NRG1: variants seen among roughly 807,000 people sequenced by gnomAD.
NRG1 encodes neuregulin 1, also known as pro-neuregulin-1, membrane-bound isoform.
In NRG1, 18 loss-of-function variants were observed where a neutral mutation model predicts 63.8. The ratio of observed to expected loss-of-function variants is 0.28; its 90% CI spans 0.19 to 0.42. NRG1 has a LOEUF of 0.42. Among genes scored for constraint, NRG1 ranks in the 10% least tolerant of loss-of-function variants. NRG1 has a pLI of 1.00. For missense variants in NRG1, 762 were observed against 814.7 expected (o/e 0.94, Z 0.79); for synonymous variants, 302 against 301.3 (o/e 1.00, Z -0.02).
intron 1 of NRG1, among the ~76,000 whole-genome samples, chr8:31,833,134 G>T (rs13249720): frequency 0.13 from 19,675 of 152,148 alleles, 1,480 homozygotes; most frequent in Admixed American, 0.17. Flanking sequence ...AAAGAAAATT[G>T]TTAGAAAAGG....
At chr8:31,908,916 A>G (rs1437822054) in intron 1 of NRG1, among the ~76,000 whole-genome samples, 1 of 152,202 alleles carries the variant, frequency 6.6e-6, no homozygotes, top group Non-Finnish European at 1.5e-5. Context: ...TAACCATGAT[A>G]TGCTAGTATC....
chr8:31,766,285 CCT>C (rs1306783749), intron 1 of NRG1, among the ~76,000 whole-genome samples: 2 of 152,100 alleles, frequency 1.3e-5, no homozygotes, highest in Non-Finnish European at 2.9e-5. Context: ...AAAAAGATCC[CCT>C]GAGTTGTATC....
chr8:32,069,335 A>AT (rs1367527368), intron 1 of NRG1, among the ~76,000 whole-genome samples: 2 of 152,224 alleles, frequency 1.3e-5, no homozygotes, highest in African/African-American at 4.8e-5. Flanking sequence ...CATCAATATC[A>AT]TTGAGCACGG....
At chr8:31,863,387 C>T (rs540572583) in intron 1 of NRG1, among the ~76,000 whole-genome samples, 2 of 152,276 alleles carry the variant, frequency 1.3e-5, no homozygotes, top group South Asian at 4.1e-4. Flanking sequence ...TCATCACAAT[C>T]ATCTAAAACT....
At chr8:32,170,522 A>G (rs1317492247) in intron 1 of NRG1, among the ~76,000 whole-genome samples, 4 of 152,186 alleles carry the variant, frequency 2.6e-5, no homozygotes, top group Non-Finnish European at 4.4e-5. Context: ...TATGGACCCA[A>G]CTGGAATTAG....
At chr8:31,833,451 C>T (rs1224534364) in intron 1 of NRG1, among the ~76,000 whole-genome samples, 4 of 152,206 alleles carry the variant, frequency 2.6e-5, no homozygotes, top group Non-Finnish European at 5.9e-5. Context: ...CTGAAAAGAA[C>T]ATCCCTGCAA....
intron 1 of NRG1, among the ~76,000 whole-genome samples, chr8:32,009,259 C>T (rs1384570869): frequency 1.3e-5 from 2 of 152,074 alleles, no homozygotes; most frequent in Non-Finnish European, 2.9e-5. Flanking sequence ...CCTACTCCAA[C>T]AGTTTCATCT....
intron 1 of NRG1, among the ~76,000 whole-genome samples, chr8:32,235,238 A>C (rs1479158071): frequency 7.8e-5 from 4 of 51,112 alleles, no homozygotes; most frequent in Non-Finnish European, 1.7e-4. Context: ...TACAAAAAAA[A>C]AAAAAAAAAA....
At chr8:32,266,144 G>T (rs932118789) in intron 1 of NRG1, among the ~76,000 whole-genome samples, 2 of 152,174 alleles carry the variant, frequency 1.3e-5, no homozygotes, top group Non-Finnish European at 2.9e-5. Flanking sequence ...CTTTTGGGTG[G>T]AATCTGAACA....
intron 5 of NRG1, among the ~76,000 whole-genome samples, chr8:32,696,948 C>T (rs771980733): frequency 3.9e-5 from 6 of 152,180 alleles, no homozygotes; most frequent in Non-Finnish European, 8.8e-5. Context: ...AGGCGTGAGC[C>T]ACCGCGCCTG....
chr8:32,757,438 A>G (rs1298020426), intron 9 of NRG1, among the ~76,000 whole-genome samples: 2 of 152,168 alleles, frequency 1.3e-5, no homozygotes, highest in African/African-American at 4.8e-5. Flanking sequence ...AAAAAGGCAT[A>G]TTTTGAATGG....
At chr8:32,206,347 C>G (rs978880429) in intron 1 of NRG1, among the ~76,000 whole-genome samples, 1 of 151,888 alleles carries the variant, frequency 6.6e-6, no homozygotes, top group African/African-American at 2.4e-5. Flanking sequence ...GGAGCCTATG[C>G]CACTAAATCA....
chr8:32,592,579 C>G (rs1300901447), intron 1 of NRG1, among the ~76,000 whole-genome samples: 1 of 151,738 alleles, frequency 6.6e-6, no homozygotes, highest in Non-Finnish European at 1.5e-5. Flanking sequence ...AATAAATAAA[C>G]TAATGAAGAC....
rs774166043 is a variant in NRG1, at chr8:32,551,249, C to T, written c.100+2423C>T. ...CCATAACTCTAGTATTCACACTTGC[C>T]GTGCCAGCCCAAATTAGGACTTAGG... On this transcript the variant is annotated intron_variant, in intron 1 of 11. Transcript: ENST00000356819. 5.3e-5 allele frequency among the ~76,000 whole-genome samples: 8 copies of T among 152,306 alleles called. No individual in the cohort carries two copies. In the East Asian group the frequency reaches 5.8e-4, roughly 11 times the overall value.
At chr8:32,528,029 C>T (rs900300040) in intron 1 of NRG1, among the ~76,000 whole-genome samples, 1 of 152,112 alleles carries the variant, frequency 6.6e-6, no homozygotes, top group African/African-American at 2.4e-5. Context: ...ACATCTGCTC[C>T]AGGATGTTTA....
At chr8:32,277,737 T>C (rs1852259922) in intron 1 of NRG1, among the ~76,000 whole-genome samples, 2 of 152,194 alleles carry the variant, frequency 1.3e-5, no homozygotes, top group Admixed American at 1.3e-4. Flanking sequence ...AGGCCGGGGA[T>C]GGTTAAGCAT....
chr8:32,281,225 T>TGG (rs140370440), intron 1 of NRG1, among the ~76,000 whole-genome samples: 5,775 of 133,726 alleles, frequency 0.043, 221 homozygotes, highest in Admixed American at 0.12. Context: ...TCGCTCAGGC[T>TGG]GGGGTGCAGT....
At chr8:31,998,269 G>A (rs1040154449) in intron 1 of NRG1, among the ~76,000 whole-genome samples, 3 of 151,912 alleles carry the variant, frequency 2.0e-5, no homozygotes, top group African/African-American at 7.2e-5. Flanking sequence ...ACACTGGAGA[G>A]GTTCAGTCAT....
chr8:31,834,838 C>T (rs1205286384), intron 1 of NRG1, among the ~76,000 whole-genome samples: 1 of 152,190 alleles, frequency 6.6e-6, no homozygotes, highest in Non-Finnish European at 1.5e-5. Flanking sequence ...TTATCTTGCT[C>T]CTTCTCATTG....
Sources: gnomAD v4.1 joint callset for allele counts (sites outside exome capture counted in the v4.1 genomes callset) on GRCh38, gnomAD v4.1.1 for gene constraint, MANE v1.5 for transcripts, NCBI Gene and HGNC (gene_info 2026-07-23, HGNC 2026-07-21) for gene names.